PTPRD: variants seen among roughly 807,000 people sequenced by gnomAD.
PTPRD encodes receptor-type tyrosine-protein phosphatase delta.
Under a neutral mutation model 214.5 loss-of-function variants are expected in PTPRD, and 34 were observed. The ratio of observed to expected loss-of-function variants is 0.16; its 90% CI spans 0.12 to 0.21. The LOEUF is 0.21. Ranked by LOEUF, PTPRD falls within the 10% of genes least tolerant of loss-of-function variation. The pLI is 1.00. For missense variants in PTPRD, 2,545 were observed against 2,398.7 expected, an observed-to-expected ratio of 1.06 and a Z score of -1.27; for synonymous variants, 1,128 against 845.7, an observed-to-expected ratio of 1.33 and a Z score of -5.79.
At chr9:10,497,671 A>C (rs833440) in intron 2 of PTPRD, among the ~76,000 whole-genome samples, 45,989 of 151,782 alleles carry the variant, frequency 0.3, 8,131 homozygotes, top group African/African-American at 0.47. Context: ...TTGAAATTTT[A>C]AGCAAATTTA....
intron 5 of PTPRD, among the ~76,000 whole-genome samples, chr9:9,912,844 A>G (rs1223741537): frequency 1.3e-5 from 2 of 152,172 alleles, no homozygotes; most frequent in Non-Finnish European, 2.9e-5. Context: ...GAGTTTTTAT[A>G]TTTTGCTAAT....
At chr9:8,581,664 C>T (rs971483815) in intron 14 of PTPRD, among the ~76,000 whole-genome samples, 6 of 151,936 alleles carry the variant, frequency 3.9e-5, no homozygotes, top group African/African-American at 1.5e-4. Flanking sequence ...AGGAGAATGG[C>T]GTGAACCCAG....
intron 6 of PTPRD, among the ~76,000 whole-genome samples, chr9:9,753,547 T>C (rs1434639930): frequency 1.3e-5 from 2 of 152,056 alleles, no homozygotes; most frequent in African/African-American, 4.8e-5. Flanking sequence ...TTGCTTGTTA[T>C]ACATTTTAAA....
intron 5 of PTPRD, among the ~76,000 whole-genome samples, chr9:9,917,284 C>A (rs1172550681): frequency 2.6e-5 from 2 of 75,818 alleles, no homozygotes; most frequent in African/African-American, 9.5e-5. Context: ...ATGAAATTGA[C>A]AAGCCATTAG....
intron 5 of PTPRD, among the ~76,000 whole-genome samples, chr9:9,851,141 C>T (rs1353202633): frequency 6.6e-6 from 1 of 152,112 alleles, no homozygotes; most frequent in African/African-American, 2.4e-5. Flanking sequence ...GCTTAGCATA[C>T]AATAAACTTT....
At chr9:9,418,043 G>A (rs1569568141) in intron 8 of PTPRD, among the ~76,000 whole-genome samples, 1 of 152,034 alleles carries the variant, frequency 6.6e-6, no homozygotes, top group African/African-American at 2.4e-5. Flanking sequence ...TCTATGAAAT[G>A]TTCTGAGTCC....
chr9:9,247,255 G>T (rs186401485), intron 9 of PTPRD, among the ~76,000 whole-genome samples: 1 of 152,086 alleles, frequency 6.6e-6, no homozygotes, highest in East Asian at 2.0e-4. Flanking sequence ...AGAAGAACCT[G>T]CACAGACAAG....
intron 7 of PTPRD, among the ~76,000 whole-genome samples, chr9:9,662,235 G>C (rs1015108359): frequency 4.0e-5 from 6 of 151,560 alleles, no homozygotes; most frequent in African/African-American, 1.5e-4. Context: ...CTACTATAAA[G>C]TATCATAACA....
At chr9:9,945,969 A>G (rs1209346545) in intron 4 of PTPRD, among the ~76,000 whole-genome samples, 1 of 147,852 alleles carries the variant, frequency 6.8e-6, no homozygotes, top group Non-Finnish European at 1.5e-5. Flanking sequence ...TACAAATTAA[A>G]TGATATAAAA....
intron 10 of PTPRD, among the ~76,000 whole-genome samples, chr9:9,174,719 T>C (rs1313960011): frequency 1.3e-5 from 2 of 152,174 alleles, no homozygotes; most frequent in East Asian, 1.9e-4. Flanking sequence ...GATTGAAAAA[T>C]GTAATTCTGC....
intron 5 of PTPRD, among the ~76,000 whole-genome samples, chr9:9,915,406 C>G (rs77210381): frequency 0.02 from 2,935 of 149,138 alleles, 87 homozygotes; most frequent in African/African-American, 0.068. Flanking sequence ...ATATGAAATG[C>G]CAGAAAAAGA....
chr9:9,749,862 A>G (rs181706493), intron 6 of PTPRD, among the ~76,000 whole-genome samples: 1 of 152,184 alleles, frequency 6.6e-6, no homozygotes, highest in African/African-American at 2.4e-5. Context: ...AAAGAAAATA[A>G]GTTTCATAAG....
At chr9:10,294,794 C>T (rs1277207949) in intron 3 of PTPRD, among the ~76,000 whole-genome samples, 1 of 151,932 alleles carries the variant, frequency 6.6e-6, no homozygotes, top group African/African-American at 2.4e-5. Flanking sequence ...TTTCTCTTCA[C>T]TTTACCAACT....
intron 11 of PTPRD, among the ~76,000 whole-genome samples, chr9:8,882,434 T>G (rs944194187): frequency 1.3e-5 from 2 of 152,140 alleles, no homozygotes; most frequent in Admixed American, 1.3e-4. Flanking sequence ...GGTCTTCTGA[T>G]CCTCACAAAA....
Position 9,131,132 on chromosome 9 carries a change from T to C in PTPRD, c.-143+52172A>G, listed in dbSNP as rs567431596. Among the ~76,000 whole-genome samples, 15 of 152,240 alleles carry C rather than the reference T, an allele frequency of 9.9e-5. No homozygotes were observed. In the South Asian group the frequency reaches 3.1e-3, roughly 32 times the overall value. On this transcript the variant is annotated intron_variant, in intron 10 of 45. Transcript: ENST00000381196. The stretch of plus-strand genomic sequence containing the variant: ...AGTTAGGAGTAAAAAGTTGAGAGAA[T>C]AAAAAATGATACTTAGGGCAAACTC...
intron 11 of PTPRD, among the ~76,000 whole-genome samples, chr9:8,840,800 C>T (rs1266066540): frequency 2.6e-5 from 4 of 152,052 alleles, no homozygotes; most frequent in African/African-American, 9.7e-5. Context: ...TGACTGATCG[C>T]CCTTTCAGTG....
At chr9:9,844,880 AAAAG>A (rs1214112467) in intron 5 of PTPRD, among the ~76,000 whole-genome samples, 1 of 151,470 alleles carries the variant, frequency 6.6e-6, no homozygotes, top group Non-Finnish European at 1.5e-5. Context: ...ACAAATAAAT[AAAAG>A]AAATTCCCAG....
At chr9:8,968,852 G>T (rs2099217528) in intron 11 of PTPRD, among the ~76,000 whole-genome samples, 1 of 152,190 alleles carries the variant, frequency 6.6e-6, no homozygotes, top group African/African-American at 2.4e-5. Context: ...GACAAAGAAA[G>T]AATGGATTTT....
intron 4 of PTPRD, among the ~76,000 whole-genome samples, chr9:9,963,408 G>A (rs900335909): frequency 3.5e-5 from 5 of 142,722 alleles, no homozygotes; most frequent in Non-Finnish European, 6.0e-5. Context: ...AGTGTAAATA[G>A]TTTCTCCTTT....
Sources: gnomAD v4.1 joint callset for allele counts (sites outside exome capture counted in the v4.1 genomes callset) on GRCh38, gnomAD v4.1.1 for gene constraint, MANE v1.5 for transcripts, NCBI Gene and HGNC (gene_info 2026-07-23, HGNC 2026-07-21) for gene names.